ZNF385D: variants seen among roughly 807,000 people sequenced by gnomAD.
ZNF385D encodes the protein zinc finger protein 385D.
Under a neutral mutation model 35.8 loss-of-function variants are expected in ZNF385D, and 15 were observed. That is an observed-to-expected ratio of 0.42 (90% CI 0.28 to 0.64). ZNF385D has a LOEUF of 0.64. Ranked by LOEUF, ZNF385D falls within the 30% of genes least tolerant of loss-of-function variation. The pLI is 0.23. For missense variants in ZNF385D, 474 were observed against 494.6 expected (o/e 0.96, Z 0.39); for synonymous variants, 212 against 186.8 (o/e 1.13, Z -1.10).
At chr3:22,004,262 C>T (rs1696050711) in intron 3 of ZNF385D, among the ~76,000 whole-genome samples, 2 of 152,120 alleles carry the variant, frequency 1.3e-5, no homozygotes, top group African/African-American at 4.8e-5. Context: ...AGACCCCTAT[C>T]TCTCAGCATA....
At chr3:21,665,651 C>T (rs181482168) in intron 1 of ZNF385D, among the ~76,000 whole-genome samples, 153 of 152,302 alleles carry the variant, frequency 1.0e-3, no homozygotes, top group Non-Finnish European at 1.0e-3. Context: ...CCCTGCCTCC[C>T]TCCCAGTCAT....
intron 3 of ZNF385D, among the ~76,000 whole-genome samples, chr3:22,161,175 C>T (rs1255762056): frequency 6.6e-6 from 1 of 151,912 alleles, no homozygotes; most frequent in Non-Finnish European, 1.5e-5. Context: ...AATCTCAACT[C>T]CACTACTAAT....
At chr3:22,348,662 T>C (rs1377394515) in intron 2 of ZNF385D, among the ~76,000 whole-genome samples, 2 of 123,768 alleles carry the variant, frequency 1.6e-5, no homozygotes, top group African/African-American at 7.1e-5. Context: ...AGCAAAACGC[T>C]GTAGAAAGAA....
chr3:21,776,038 C>G (rs774477129), intron 3 of ZNF385D, among the ~76,000 whole-genome samples: 40 of 151,392 alleles, frequency 2.6e-4, no homozygotes, highest in Non-Finnish European at 1.3e-4. Context: ...TATAGTATTT[C>G]TTTGTATTTC....
chr3:21,996,535 A>T (rs1695478275), intron 3 of ZNF385D, among the ~76,000 whole-genome samples: 1 of 152,116 alleles, frequency 6.6e-6, no homozygotes, highest in South Asian at 2.1e-4. Flanking sequence ...CCTCTACTGA[A>T]ACTCATATTT....
chr3:22,148,680 C>T (rs1001984692), intron 3 of ZNF385D, among the ~76,000 whole-genome samples: 1 of 152,180 alleles, frequency 6.6e-6, no homozygotes, highest in African/African-American at 2.4e-5. Context: ...GTAAGATCTA[C>T]ATGGTCGTAA....
At chr3:22,152,768 T>C (rs772424770) in intron 3 of ZNF385D, among the ~76,000 whole-genome samples, 14 of 152,294 alleles carry the variant, frequency 9.2e-5, no homozygotes, top group Middle Eastern at 3.4e-3. Context: ...TTGGCCAAGT[T>C]AGGCAACATA....
At chr3:21,982,849 T>G (rs924615494) in intron 3 of ZNF385D, among the ~76,000 whole-genome samples, 5 of 151,688 alleles carry the variant, frequency 3.3e-5, no homozygotes, top group African/African-American at 1.2e-4. Flanking sequence ...GATAATCATG[T>G]GGGTTTTTTT....
chr3:21,449,756 A>G (rs1702352349), intron 4 of ZNF385D, among the ~76,000 whole-genome samples: 1 of 152,200 alleles, frequency 6.6e-6, no homozygotes, highest in African/African-American at 2.4e-5. Flanking sequence ...AAAAAGCCTT[A>G]TCATGGATGT....
rs185320027 is a variant in ZNF385D at position 22,091,738 on chromosome 3, A to G, written c.325+77079T>C. 1.4e-4 allele frequency among the ~76,000 whole-genome samples: 22 copies of G among 152,300 alleles called. No homozygotes were observed. In the East Asian group the frequency reaches 3.5e-3, roughly 24 times the overall value. On this transcript the variant is annotated intron_variant, in intron 3 of 5. Transcript: ENST00000494108. ...TTGTGGAAGGCTGCACCATATGGTA[A>G]ATCTTTCAAGACTAAGAAGTCTATT...
chr3:22,316,473 C>G (rs1176692994), intron 2 of ZNF385D, among the ~76,000 whole-genome samples: 1 of 152,058 alleles, frequency 6.6e-6, no homozygotes, highest in East Asian at 1.9e-4. Flanking sequence ...ACAAATAAAA[C>G]AGTTGAGACA....
chr3:22,136,533 T>C (rs986053266), intron 3 of ZNF385D, among the ~76,000 whole-genome samples: 17 of 152,270 alleles, frequency 1.1e-4, no homozygotes, highest in Middle Eastern at 3.4e-3. Context: ...TTTCAGAATA[T>C]ATAAAGAATG....
At chr3:21,845,076 T>C (rs939077951) in intron 3 of ZNF385D, among the ~76,000 whole-genome samples, 1 of 151,942 alleles carries the variant, frequency 6.6e-6, no homozygotes, top group Admixed American at 6.6e-5. Flanking sequence ...TAAAGTTGCT[T>C]TGCGACATTT....
At chr3:21,443,294 A>G (rs563024893) in intron 4 of ZNF385D, 20 of 985,344 alleles carry the variant, frequency 2.0e-5, no homozygotes, top group Non-Finnish European at 2.3e-5. Flanking sequence ...GGGATTCTTT[A>G]TTCTCCAGGT....
At chr3:22,279,194 T>G (rs1305219986) in intron 2 of ZNF385D, among the ~76,000 whole-genome samples, 1 of 152,016 alleles carries the variant, frequency 6.6e-6, no homozygotes, top group Non-Finnish European at 1.5e-5. Context: ...TCTGAGATCT[T>G]GGTGTACTCA....
At chr3:22,294,976 T>C (rs1702491916) in intron 2 of ZNF385D, among the ~76,000 whole-genome samples, 1 of 152,066 alleles carries the variant, frequency 6.6e-6, no homozygotes, top group Non-Finnish European at 1.5e-5. Context: ...TATCTCTGTA[T>C]ATCTATTTAT....
intron 3 of ZNF385D, among the ~76,000 whole-genome samples, chr3:21,808,848 A>C (rs991862838): frequency 6.6e-6 from 1 of 152,218 alleles, no homozygotes; most frequent in African/African-American, 2.4e-5. Flanking sequence ...AACACTGCTT[A>C]AGTCTCAGAT....
At position 22,122,926 on chromosome 3, in the gene ZNF385D, C is replaced by T. The variant is rs570226172; in HGVS notation, c.325+45891G>A. 7.2e-5 allele frequency among the ~76,000 whole-genome samples: 11 copies of T among 152,080 alleles called. 1 individual carries two copies. The highest frequency in any genetic ancestry group is 1.6e-4 in the Non-Finnish European group (11 of 68,012). Reference sequence around the variant, plus strand: ...ACGCCATAAGTGACTGGAAAAGGAGCAAGAAATGATTTAAGAAAAGTATTA... The same window carrying T: ...ACGCCATAAGTGACTGGAAAAGGAGTAAGAAATGATTTAAGAAAAGTATTA... On this transcript the variant is annotated intron_variant, in intron 3 of 5. Transcript: ENST00000494108.
chr3:22,271,158 T>C (rs1488299481), intron 2 of ZNF385D, among the ~76,000 whole-genome samples: 1 of 151,976 alleles, frequency 6.6e-6, no homozygotes, highest in Admixed American at 6.6e-5. Context: ...TCATTGATTT[T>C]AATATTAGAA....
Sources: allele counts gnomAD v4.1 joint callset (sites outside exome capture counted in the v4.1 genomes callset), GRCh38; gene constraint gnomAD v4.1.1; transcripts MANE v1.5; gene names NCBI Gene and HGNC (gene_info 2026-07-23, HGNC 2026-07-21).